RORA: variants seen among roughly 807,000 people sequenced by gnomAD.
RORA encodes the protein RAR related orphan receptor A, also known as nuclear receptor ROR-alpha.
A neutral mutation model predicts 69.5 loss-of-function variants in RORA; 7 were observed. The ratio of observed to expected loss-of-function variants is 0.10; its 90% CI spans 0.06 to 0.19. The LOEUF is 0.19. Among genes scored for constraint, RORA ranks in the 10% least tolerant of loss-of-function variants. RORA has a pLI of 1.00. For synonymous variants in RORA, 261 were observed against 240.8 expected (o/e 1.08, Z -0.78); for missense variants, 457 against 663.0 (o/e 0.69, Z 3.41).
intron 2 of RORA, among the ~76,000 whole-genome samples, chr15:60,548,634 G>GTATT (rs60500094): frequency 0.01 from 1,529 of 152,058 alleles, 24 homozygotes; most frequent in African/African-American, 0.034. Context: ...TAGCATTAGT[G>GTATT]TATTTATTTA....
intron 2 of RORA, among the ~76,000 whole-genome samples, chr15:60,541,657 G>T (rs2066876816): frequency 6.6e-6 from 1 of 152,232 alleles, no homozygotes; most frequent in African/African-American, 2.4e-5. Context: ...ATAAGGAGAA[G>T]AAATGCTCTG....
chr15:60,841,142 C>T, intron 1 of RORA: 2 of 938,200 alleles, frequency 2.1e-6, no homozygotes, highest in East Asian at 1.2e-4. Context: ...CTTGTTTTCT[C>T]TCCACGCCAT....
chr15:60,931,374 C>T (rs1262367766), intron 1 of RORA, among the ~76,000 whole-genome samples: 1 of 152,210 alleles, frequency 6.6e-6, no homozygotes, highest in Non-Finnish European at 1.5e-5. Flanking sequence ...TTACTCACTC[C>T]TCTGGCTCCA....
intron 2 of RORA, among the ~76,000 whole-genome samples, chr15:60,657,296 G>A (rs1567143948): frequency 1.3e-5 from 2 of 151,804 alleles, no homozygotes; most frequent in Non-Finnish European, 2.9e-5. Flanking sequence ...TTGCATCTTG[G>A]TGGGTCTAAC....
intron 1 of RORA, among the ~76,000 whole-genome samples, chr15:60,718,648 G>A (rs1168678818): frequency 6.6e-6 from 1 of 152,154 alleles, no homozygotes; most frequent in Non-Finnish European, 1.5e-5. Flanking sequence ...GTGGAGTAGT[G>A]AGAAATTAAT....
At chr15:60,847,826 T>C (rs906763607) in intron 1 of RORA, 10 of 152,260 alleles carry the variant, frequency 6.6e-5, no homozygotes, top group Admixed American at 5.9e-4. Flanking sequence ...ATGTGGCTAC[T>C]AGAACATCTA....
intron 1 of RORA, among the ~76,000 whole-genome samples, chr15:60,737,844 A>G (rs971499333): frequency 2.6e-5 from 4 of 152,222 alleles, no homozygotes; most frequent in Non-Finnish European, 5.9e-5. Flanking sequence ...CAAGACCCTG[A>G]TTAATAAATT....
chr15:61,182,307 A>G (rs943031746), intron 1 of RORA, among the ~76,000 whole-genome samples: 1 of 152,246 alleles, frequency 6.6e-6, no homozygotes, highest in Non-Finnish European at 1.5e-5. Flanking sequence ...GGAACAGACC[A>G]GTCCTCAGGG....
chr15:61,165,478 C>G (rs2079533240), intron 1 of RORA, among the ~76,000 whole-genome samples: 1 of 152,236 alleles, frequency 6.6e-6, no homozygotes, highest in African/African-American at 2.4e-5. Flanking sequence ...AGACCACGGC[C>G]AGTGGTTGGT....
rs367751551 is a variant in RORA at position 60,571,763 on chromosome 15, A to G, written c.197-39912T>C. Among the ~76,000 whole-genome samples, 15 of 152,328 alleles carry G rather than the reference A, an allele frequency of 9.8e-5. No homozygotes were observed. In the East Asian group the frequency reaches 2.9e-3, roughly 29 times the overall value. On this transcript the variant is annotated intron_variant, in intron 2 of 10. Coordinates refer to ENST00000335670, the MANE Select transcript of RORA (RefSeq NM_134261.3). ...TAGTCTATAAAATGCCCAGCTAGCTATGGGACTGTTGTATTTAGCTATGTC... is the reference window on the plus strand; with the variant it reads ...TAGTCTATAAAATGCCCAGCTAGCTGTGGGACTGTTGTATTTAGCTATGTC...
chr15:60,962,450 C>A (rs1013325092), intron 1 of RORA, among the ~76,000 whole-genome samples: 1 of 152,176 alleles, frequency 6.6e-6, no homozygotes, highest in African/African-American at 2.4e-5. Context: ...TGGAAATTCC[C>A]AAACTCATCT....
At chr15:60,978,110 T>C (rs1376500362) in intron 1 of RORA, among the ~76,000 whole-genome samples, 1 of 150,018 alleles carries the variant, frequency 6.7e-6, no homozygotes, top group Non-Finnish European at 1.5e-5. Flanking sequence ...CTTCACATCT[T>C]CTTCAATCTT....
intron 1 of RORA, among the ~76,000 whole-genome samples, chr15:61,201,095 T>C (rs2079891863): frequency 6.6e-6 from 1 of 152,144 alleles, no homozygotes; most frequent in Non-Finnish European, 1.5e-5. Flanking sequence ...TATATTCAGG[T>C]TTTTATTTGG....
intron 1 of RORA, among the ~76,000 whole-genome samples, chr15:61,032,959 A>C (rs745399582): frequency 1.1e-4 from 17 of 152,210 alleles, no homozygotes; most frequent in Non-Finnish European, 2.1e-4. Flanking sequence ...GCACTTTGCC[A>C]GGTGCTTTAA....
At position 61,202,577 on chromosome 15, in the gene RORA, G is replaced by A. The variant is rs534215983; in HGVS notation, c.166+26476C>T. Among the ~76,000 whole-genome samples the A allele has an allele frequency of 2.2e-3, 330 of 152,168 alleles. 2 individuals are homozygous for A. The highest frequency in any genetic ancestry group is 2.6e-4 in the Non-Finnish European group (18 of 67,978). ...ACCCTAGGAGGGTAGGGCCTGTGGT[G>A]CTAACAACCTCATAGGAGCAGGAGA... On this transcript the variant is annotated intron_variant, in intron 1 of 10. Coordinates refer to ENST00000335670, the MANE Select transcript of RORA (RefSeq NM_134261.3).
intron 2 of RORA, among the ~76,000 whole-genome samples, chr15:60,577,039 T>G (rs1475825062): frequency 6.6e-6 from 1 of 152,206 alleles, no homozygotes; most frequent in East Asian, 1.9e-4. Context: ...GTCTTTGCTA[T>G]ATTAATAAAA....
chr15:60,514,546 C>T, intron 4 of RORA, 70 bp downstream of exon 4: 1 of 1,491,672 alleles, frequency 6.7e-7, no homozygotes, highest in Admixed American at 1.7e-5. Context: ...ATTGGCAGAT[C>T]TGAGTCCAGG....
intron 2 of RORA, among the ~76,000 whole-genome samples, chr15:60,543,162 A>C (rs563799832): frequency 2.0e-4 from 25 of 126,044 alleles, no homozygotes; most frequent in African/African-American, 7.2e-4. Context: ...TAAGGATGAA[A>C]GTGAAAACTT....
chr15:60,624,895 C>T (rs2140635422), intron 2 of RORA, among the ~76,000 whole-genome samples: 1 of 152,184 alleles, frequency 6.6e-6, no homozygotes, highest in Non-Finnish European at 1.5e-5. Flanking sequence ...TCATTCCCCT[C>T]AGTATTATCA....
Sources: gnomAD v4.1 joint callset for allele counts (sites outside exome capture counted in the v4.1 genomes callset) on GRCh38, gnomAD v4.1.1 for gene constraint, MANE v1.5 for transcripts, NCBI Gene and HGNC (gene_info 2026-07-23, HGNC 2026-07-21) for gene names.